The following ABCB1 variants were observed in gnomAD, a reference collection of about 807,000 sequenced individuals.
ABCB1 encodes ATP binding cassette subfamily B member 1.
In ABCB1, 69 loss-of-function variants were observed where a neutral mutation model predicts 142.0. The observed-to-expected ratio is 0.49, with a 90% confidence interval of 0.40 to 0.59. ABCB1 has a LOEUF of 0.59. Among genes scored for constraint, ABCB1 ranks in the 20% least tolerant of loss-of-function variants. The pLI is 0.00. For synonymous variants in ABCB1, 532 were observed against 539.2 expected (o/e 0.99, Z 0.18); for missense variants, 1,326 against 1,554.7 (o/e 0.85, Z 2.47).
Position 87,524,023 on chromosome 7 carries a change from A to G in ABCB1, c.2686-3147T>C, listed in dbSNP as rs1368732646. ...AGACACATTTAATTTAGAGTGTTTT[A>G]TAGCTTAAAATCATAAACATGGAAT... On this transcript the variant is annotated intron_variant, in intron 21 of 27. Transcript: ENST00000622132. 2.0e-5 allele frequency among the ~76,000 whole-genome samples: 3 copies of G among 152,192 alleles called. No homozygotes were observed. The East Asian group carries it at 5.8e-4, about 29-fold the overall frequency.
At chr7:87,591,130 G>C (rs906440682) in intron 3 of ABCB1, among the ~76,000 whole-genome samples, 3 of 152,166 alleles carry the variant, frequency 2.0e-5, no homozygotes, top group Non-Finnish European at 4.4e-5. Flanking sequence ...GAGGGGGCCT[G>C]GAGTCAGTAG....
intron 1 of ABCB1, chr7:87,628,621 G>A (rs190284965): frequency 6.5e-6 from 2 of 307,248 alleles, no homozygotes; most frequent in African/African-American, 2.5e-5. Flanking sequence ...GTGTGTGTGT[G>A]TGTGGAGCTC....
intron 23 of ABCB1, among the ~76,000 whole-genome samples, chr7:87,517,510 C>G (rs561287366): frequency 4.0e-5 from 6 of 151,456 alleles, no homozygotes; most frequent in Middle Eastern, 3.4e-3. Flanking sequence ...TAAGTCCAGC[C>G]GAGATCCACT....
chr7:87,626,870 G>A (rs546118173), intron 1 of ABCB1, among the ~76,000 whole-genome samples: 1 of 151,866 alleles, frequency 6.6e-6, no homozygotes, highest in Admixed American at 6.6e-5. Flanking sequence ...CCGCCTCCCG[G>A]GTTCAAACGA....
intron 1 of ABCB1, among the ~76,000 whole-genome samples, chr7:87,686,164 A>G (rs1334730686): frequency 8.6e-5 from 13 of 151,936 alleles, no homozygotes; most frequent in Non-Finnish European, 1.3e-4. Flanking sequence ...TTTTTTTCTT[A>G]CAATTTTTCT....
intron 1 of ABCB1, among the ~76,000 whole-genome samples, chr7:87,696,884 A>G (rs1299310360): frequency 1.3e-5 from 2 of 152,158 alleles, no homozygotes; most frequent in African/African-American, 4.8e-5. Context: ...TGCCCTACCT[A>G]TAGCAGGAGT....
At chr7:87,678,817 C>T (rs78329595) in intron 1 of ABCB1, among the ~76,000 whole-genome samples, 3,930 of 152,034 alleles carry the variant, frequency 0.026, 167 homozygotes, top group African/African-American at 0.089. Flanking sequence ...ACAAAGAAAA[C>T]TGACAGGGAT....
At chr7:87,581,898 G>C (rs1205229781) in intron 4 of ABCB1, among the ~76,000 whole-genome samples, 3 of 152,124 alleles carry the variant, frequency 2.0e-5, no homozygotes, top group African/African-American at 7.2e-5. Context: ...AAAGAAGAAT[G>C]ATCTGACTGT....
In ABCB1 at chr7:87,544,807, G is replaced by C. The variant is rs200757124; in HGVS notation, c.2064+16C>G. ...AGTTAGTGAGATTAAAACAAACTCC[G>C]CATCTCCCTTCATACCAGAGCCTCT... is the stretch of plus-strand genomic sequence containing the variant. On this transcript the variant is annotated intron_variant, in intron 16 of 27. Transcript: ENST00000622132. 1.2e-5 allele frequency: 19 copies of C among 1,613,458 alleles called. No homozygotes were observed. The highest frequency in any genetic ancestry group is 1.4e-5 in the Non-Finnish European group (16 of 1,179,842).
At chr7:87,554,958 T>C (rs1201079804) in intron 8 of ABCB1, among the ~76,000 whole-genome samples, 1 of 152,230 alleles carries the variant, frequency 6.6e-6, no homozygotes, top group Non-Finnish European at 1.5e-5. Context: ...TTGGAGTCAC[T>C]GACAGATTTT....
intron 1 of ABCB1, among the ~76,000 whole-genome samples, chr7:87,626,922 C>G (rs376239354): frequency 1.3e-5 from 2 of 151,912 alleles, no homozygotes; most frequent in Non-Finnish European, 2.9e-5. Context: ...ACTACAGGCG[C>G]GTGCCACCAC....
intron 26 of ABCB1, 70 bp from the exon 27 acceptor site, chr7:87,506,113 G>A (rs1215241150): frequency 6.6e-7 from 1 of 1,512,092 alleles, no homozygotes; most frequent in South Asian, 1.1e-5. Flanking sequence ...CTTATAGAAA[G>A]TAGGATAGAC....
chr7:87,703,924 T>G, intron 1 of ABCB1, among the ~76,000 whole-genome samples: 1 of 112,310 alleles, frequency 8.9e-6, no homozygotes, highest in African/African-American at 3.5e-5. Context: ...GTTTTTTTTT[T>G]TTTTTTTTTT....
chr7:87,654,601 A>G (rs1823897686), intron 1 of ABCB1, among the ~76,000 whole-genome samples: 1 of 152,074 alleles, frequency 6.6e-6, no homozygotes, highest in Non-Finnish European at 1.5e-5. Flanking sequence ...TGTAAGATCT[A>G]TCTACTACAA....
chr7:87,702,539 C>T (rs577784285), intron 1 of ABCB1, among the ~76,000 whole-genome samples: 99 of 152,180 alleles, frequency 6.5e-4, no homozygotes, highest in African/African-American at 2.2e-3. Flanking sequence ...TGCAGCCTCC[C>T]GAAGTGCTGG....
intron 4 of ABCB1, among the ~76,000 whole-genome samples, chr7:87,578,789 G>A (rs942633896): frequency 1.3e-5 from 2 of 149,834 alleles, no homozygotes; most frequent in African/African-American, 4.9e-5. Context: ...CGCCTCCCGG[G>A]TTCACGCCAT....
chr7:87,571,290 G>A (rs1472923780), intron 4 of ABCB1, among the ~76,000 whole-genome samples: 3 of 151,914 alleles, frequency 2.0e-5, no homozygotes, highest in Admixed American at 2.0e-4. Context: ...AGGTGGTTAT[G>A]TAGCTGGAAA....
At chr7:87,515,160 T>G in intron 25 of ABCB1, 71 bp downstream of exon 25, 35 of 1,570,806 alleles carry the variant, frequency 2.2e-5, no homozygotes, top group Non-Finnish European at 2.7e-5. Flanking sequence ...GGCTTATAGT[T>G]GAGAATTAAA....
At chr7:87,563,147 T>A (rs1379292232) in intron 7 of ABCB1, among the ~76,000 whole-genome samples, 3 of 151,546 alleles carry the variant, frequency 2.0e-5, no homozygotes, top group African/African-American at 7.3e-5. Context: ...CAATAAAGAG[T>A]TCTGAAATTG....
Sources: allele counts gnomAD v4.1 joint callset (sites outside exome capture counted in the v4.1 genomes callset), GRCh38; gene constraint gnomAD v4.1.1; transcripts MANE v1.5; gene names NCBI Gene and HGNC (gene_info 2026-07-23, HGNC 2026-07-21).